The following PPP2R3C variants were observed in gnomAD, a reference collection of about 807,000 sequenced individuals.
PPP2R3C encodes serine/threonine-protein phosphatase 2A regulatory subunit B'' subunit gamma.
Under a neutral mutation model 63.7 loss-of-function variants are expected in PPP2R3C, and 47 were observed. The observed-to-expected ratio is 0.74, with a 90% CI of 0.58 to 0.94. The LOEUF (loss-of-function observed/expected upper bound fraction) is 0.94. PPP2R3C is among the 40% of genes least tolerant of loss of function. The probability of loss-of-function intolerance (pLI) is 0.00; values close to 1 mark genes in which losing one functional copy is unlikely to be tolerated. For synonymous variants in PPP2R3C, 180 were observed against 177.4 expected (o/e 1.01, Z -0.12); for missense variants, 421 against 518.4 (o/e 0.81, Z 1.82).
At chr14:35,121,700 T>C in intron 1 of PPP2R3C, 1 of 568,734 alleles carries the variant, frequency 1.8e-6, no homozygotes, top group Non-Finnish European at 3.1e-6. Flanking sequence ...GCTAAGTTTT[T>C]CGTTCCTCTA....
chr14:35,092,457 T>C (rs2045851627), intron 10 of PPP2R3C, among the ~76,000 whole-genome samples: 1 of 152,032 alleles, frequency 6.6e-6, no homozygotes, highest in Non-Finnish European at 1.5e-5. Context: ...TTATCTGGAA[T>C]GAACAGAACA....
intron 7 of PPP2R3C, 87 bp downstream of exon 7, chr14:35,099,165 A>T: frequency 1.5e-6 from 2 of 1,374,134 alleles, no homozygotes; most frequent in South Asian, 1.7e-5. Context: ...AAAATAAATG[A>T]TATTTTTCAA....
chr14:35,096,691 T>C lies in PPP2R3C; in HGVS notation c.762+18A>G. 1 of 1,606,240 alleles carries C rather than the reference T, an allele frequency of 6.2e-7. No homozygotes were observed. Among genetic ancestry groups the C allele is most frequent in the Non-Finnish European group, 8.5e-7 (1 of 1,176,940 alleles). On this transcript the variant is annotated intron_variant, in intron 8 of 12. Coordinates refer to ENST00000261475, the MANE Select transcript of PPP2R3C (RefSeq NM_017917.4). ...GCAACTGTCAAGTGATACAATTAAG[T>C]AGTTTAAAAACATTTACCTCCAATA... is the stretch of plus-strand genomic sequence containing the variant.
chr14:35,100,172 A>G (rs1392634662), intron 6 of PPP2R3C: 1 of 152,222 alleles, frequency 6.6e-6, no homozygotes, highest in African/African-American at 2.4e-5. Flanking sequence ...GCTATATATT[A>G]TATCATTGCA....
rs528164269 is a variant in PPP2R3C, at chr14:35,110,844, C to T, written c.187-215G>A. ...TGCCCTGAAAAAGCCATTCTAAAAG[C>T]TAGTCTAGACCAAGTTTCATTTTAT... is the stretch of plus-strand genomic sequence containing the variant. On this transcript the variant is annotated intron_variant, in intron 2 of 12. Transcript: ENST00000261475. 12 of 485,284 alleles carry T rather than the reference C, an allele frequency of 2.5e-5. No homozygotes were observed. In the South Asian group the frequency reaches 2.9e-4, roughly 12 times the overall value. The allele number at this position is 485,284 out of a possible 1,614,324, so 30.1% of individuals were successfully genotyped here. A position where few individuals can be genotyped will look rare whatever the true frequency, so the allele number is the denominator to read the frequency against.
chr14:35,102,678 C>T (rs2046237029), intron 6 of PPP2R3C: 1 of 152,206 alleles, frequency 6.6e-6, no homozygotes, highest in South Asian at 2.1e-4. Context: ...GCTTTCTCTA[C>T]AGCCACCAAT....
chr14:35,104,848 C>T (rs2046298467), intron 6 of PPP2R3C, among the ~76,000 whole-genome samples: 1 of 152,156 alleles, frequency 6.6e-6, no homozygotes, highest in Admixed American at 6.5e-5. Flanking sequence ...TCTCCTGCCT[C>T]AGCCACTCTA....
chr14:35,115,682 C>T (rs1477933495), intron 2 of PPP2R3C, among the ~76,000 whole-genome samples: 9 of 152,046 alleles, frequency 5.9e-5, no homozygotes, highest in African/African-American at 1.2e-4. Flanking sequence ...AGTGCAGTGG[C>T]GCGATCTGGG....
intron 6 of PPP2R3C, chr14:35,101,709 T>A (rs113059534): frequency 6.6e-6 from 1 of 152,212 alleles, no homozygotes; most frequent in Non-Finnish European, 1.5e-5. Flanking sequence ...AAGTTAGTTG[T>A]TTCTTATGAT....
intron 2 of PPP2R3C, 199 bp from the exon 3 acceptor site, chr14:35,110,828 A>T: frequency 1.9e-6 from 1 of 515,568 alleles, no homozygotes; most frequent in Admixed American, 3.7e-5. Flanking sequence ...CTGCCCTGAA[A>T]AAGCCATTCT....
At position 35,121,908 on chromosome 14, in the gene PPP2R3C, G is replaced by C. The variant is rs781307091; in HGVS notation, c.52C>G (p.Pro18Ala). Residue 18 changes from proline to alanine, a missense_variant, in exon 1 of 13, where the codon CCA becomes GCA. Physicochemically the swap from Pro to Ala is conservative, Grantham distance 27. Coordinates refer to ENST00000261475, the MANE Select transcript of PPP2R3C (RefSeq NM_017917.4). The stretch of plus-strand genomic sequence containing the variant: ...TGCCCCTCCCAAAACTCACTGTTTG[G>C]ACAGGTGTTGGGCGTCGCTAGGCGC... Reference protein sequence around the residue: ...RRRLATPNTCPNKKKSEQELK... With the variant: ...RRRLATPNTCANKKKSEQELK... 1.2e-6 allele frequency: 2 copies of C among 1,614,002 alleles called. No homozygotes were observed. The highest frequency in any genetic ancestry group is 1.3e-5 in the African/African-American group (1 of 74,920).
At chr14:35,089,347 T>C (rs1286688204) in intron 11 of PPP2R3C, among the ~76,000 whole-genome samples, 1 of 151,648 alleles carries the variant, frequency 6.6e-6, no homozygotes, top group Non-Finnish European at 1.5e-5. Flanking sequence ...CAAGCAACCC[T>C]CCTTCCCTGG....
intron 11 of PPP2R3C, 117 bp from the exon 12 acceptor site, chr14:35,088,127 T>C: frequency 1.3e-6 from 1 of 755,170 alleles, no homozygotes; most frequent in East Asian, 2.7e-5. Flanking sequence ...AACCTCATCA[T>C]TCTCTCTCTT....
chr14:35,100,474 G>A (rs1028814394), intron 6 of PPP2R3C: 4 of 152,124 alleles, frequency 2.6e-5, no homozygotes, highest in African/African-American at 7.2e-5. Flanking sequence ...CTGCACACAG[G>A]TGTCCCAGGA....
chr14:35,094,998 A>G (rs747711004), intron 10 of PPP2R3C, 50 bp downstream of exon 10: 4 of 1,536,692 alleles, frequency 2.6e-6, no homozygotes, highest in Admixed American at 1.8e-5. Flanking sequence ...GTTTGTGGAA[A>G]CTCTGGGAGC....
At chr14:35,100,601 G>T (rs928728148) in intron 6 of PPP2R3C, 1 of 152,134 alleles carries the variant, frequency 6.6e-6, no homozygotes, top group African/African-American at 2.4e-5. Flanking sequence ...ACGTGCTCAA[G>T]GTAGTTCACA....
rs764978112 is a variant in PPP2R3C at position 35,085,541 on chromosome 14, T to TG, written c.*48dup. On this transcript the variant is annotated 3_prime_UTR_variant, in exon 13 of 13. Coordinates refer to ENST00000261475, the MANE Select transcript of PPP2R3C (RefSeq NM_017917.4). ...AGGATTTTGCTTTAAAGGCTTTACA[T>TG]GCAGCATTCAAGTATCTCATAATAT... 4.1e-6 allele frequency: 6 copies of TG among 1,474,776 alleles called. No homozygotes were observed. The South Asian group carries it at 8.2e-5, about 20-fold the overall frequency. 91.4% of individuals were successfully genotyped at this position (1,474,776 alleles called of 1,614,324 possible).
At chr14:35,116,870 G>T in intron 1 of PPP2R3C, 133 bp from the exon 2 acceptor site, 2 of 695,438 alleles carry the variant, frequency 2.9e-6, no homozygotes, top group Non-Finnish European at 4.3e-6. Flanking sequence ...ATTGTGCTTA[G>T]ACACTGAGCA....
In PPP2R3C at chr14:35,099,262, A is replaced by G; in HGVS notation, c.696T>C (p.Pro232=). 3 of 1,582,680 alleles carry G rather than the reference A, an allele frequency of 1.9e-6. No individual in the cohort carries two copies. Among genetic ancestry groups the G allele is most frequent in the East Asian group, 2.3e-5 (1 of 43,990 alleles). Residue 232 remains proline (P), a synonymous_variant, in exon 7 of 13, where the codon CCT becomes CCC. Coordinates refer to ENST00000261475, the MANE Select transcript of PPP2R3C (RefSeq NM_017917.4). ...AVRKFFFFLD[P]LRTGKIKIQD... is the part of the protein sequence containing the mutation. ...AAGATTTTCTTTTACCTGTTCTTAA[A>G]GGATCTAAAAAGAAGAAGAACTTCC...
Sources: gnomAD v4.1 joint callset for allele counts (sites outside exome capture counted in the v4.1 genomes callset) on GRCh38, gnomAD v4.1.1 for gene constraint, MANE v1.5 for transcripts, NCBI Gene and HGNC (gene_info 2026-07-23, HGNC 2026-07-21) for gene names.